AFAP1: variants seen among roughly 807,000 people sequenced by gnomAD.
The protein encoded by AFAP1 is actin filament-associated protein 1.
In AFAP1, 75 loss-of-function variants were observed where a neutral mutation model predicts 93.9. The ratio of observed to expected loss-of-function variants is 0.80; its 90% CI spans 0.66 to 0.97. The LOEUF (loss-of-function observed/expected upper bound fraction) is 0.97. Among genes scored for constraint, AFAP1 ranks in the 50% least tolerant of loss-of-function variants. The pLI, the probability that AFAP1 is intolerant of heterozygous loss-of-function variation, is 0.00. For synonymous variants in AFAP1, 517 were observed against 430.7 expected (o/e 1.20, Z -2.48); for missense variants, 1,201 against 1,050.8 (o/e 1.14, Z -1.98).
chr4:7,908,098 G>C (rs1719525666), intron 1 of AFAP1, among the ~76,000 whole-genome samples: 1 of 152,192 alleles, frequency 6.6e-6, no homozygotes, highest in South Asian at 2.1e-4. Context: ...TGTTATCCCA[G>C]CTACTCAGGA....
chr4:7,849,896 T>C (rs1714239777), intron 4 of AFAP1, among the ~76,000 whole-genome samples: 1 of 151,960 alleles, frequency 6.6e-6, no homozygotes, highest in South Asian at 2.1e-4. Flanking sequence ...ACTCTCCTTC[T>C]GCATCACAGA....
At position 7,872,037 on chromosome 4, in the gene AFAP1, G is replaced by T; in HGVS notation, c.42C>A (p.Leu14=). 2 of 1,614,096 alleles carry T rather than the reference G, an allele frequency of 1.2e-6. No individual in the cohort carries two copies. Among genetic ancestry groups the T allele is most frequent in the Non-Finnish European group, 1.7e-6 (2 of 1,180,006 alleles). The part of the protein sequence containing the change: ...LIVELRLFLE[L]LDHEYLTSTV... ...TTGAGGTTAGATATTCATGGTCCAG[G>T]AGTTCAAGAAAGAGACGAAGTTCAA... The change falls in exon 2 of 18, where the codon CTC becomes CTA. Residue 14 remains leucine (L), a synonymous_variant. Coordinates refer to ENST00000420658, the MANE Select transcript of AFAP1 (RefSeq NM_001134647.2).
intron 11 of AFAP1, among the ~76,000 whole-genome samples, chr4:7,786,647 C>T (rs980544946): frequency 5.3e-5 from 8 of 149,624 alleles, no homozygotes; most frequent in South Asian, 2.1e-4. Flanking sequence ...GCTAGGTACA[C>T]GCAGCAAAGT....
Position 7,939,786 on chromosome 4 carries a change from C to G in AFAP1, c.-133G>C. 1 of 387,732 alleles carries G rather than the reference C, an allele frequency of 2.6e-6. No homozygotes were observed. Among genetic ancestry groups the G allele is most frequent in the South Asian group, 1.8e-5 (1 of 56,264 alleles). The allele number at this position is 387,732 out of a possible 1,614,324, so 24.0% of individuals were successfully genotyped here. On this transcript the variant is annotated 5_prime_UTR_variant, in exon 1 of 18. Coordinates refer to ENST00000420658, the MANE Select transcript of AFAP1 (RefSeq NM_001134647.2). This position sits in a 1 kb window ranked among gnomAD's most constrained non-coding sequence, Gnocchi z 5.6. ...CGGGGCGGGGCCGCCGCCGCCGCCT[C>G]AGCCCGTGTACCCCGCTCGAGATCC... is the stretch of plus-strand genomic sequence containing the variant.
chr4:7,774,890 G>C lies in AFAP1; in HGVS notation c.1911C>G (p.Tyr637Ter). The C allele has an allele frequency of 6.2e-7, 1 of 1,612,962 alleles. No homozygotes were observed. Among genetic ancestry groups the C allele is most frequent in the Non-Finnish European group, 8.5e-7 (1 of 1,179,778 alleles). The change falls in exon 15 of 18, where the codon TAC becomes TAG. Residue 637 changes from tyrosine to a stop codon, truncating the protein, a stop_gained. Coordinates refer to ENST00000420658, the MANE Select transcript of AFAP1 (RefSeq NM_001134647.2). LOFTEE classifies it high-confidence loss of function. ...VKRTGSNAAQ[Y>*]KYGKNRVEAD... Reference sequence around the variant, plus strand: ...CTTCTACCCGGTTCTTGCCATACTTGTACTGGGCAGCATCTTGAGAAGAAA... The same window carrying C: ...CTTCTACCCGGTTCTTGCCATACTTCTACTGGGCAGCATCTTGAGAAGAAA...
chr4:7,849,539 G>A (rs903880501), intron 4 of AFAP1, among the ~76,000 whole-genome samples: 12 of 152,224 alleles, frequency 7.9e-5, no homozygotes, highest in East Asian at 7.7e-4. Context: ...GATGACAAAC[G>A]GCCTATTGGA....
At chr4:7,931,870 C>T (rs1047503839) in intron 1 of AFAP1, among the ~76,000 whole-genome samples, 3 of 151,370 alleles carry the variant, frequency 2.0e-5, no homozygotes, top group Admixed American at 6.6e-5. Context: ...GTTTCTTTTT[C>T]TTTTTTTTGA....
intron 6 of AFAP1, among the ~76,000 whole-genome samples, chr4:7,820,275 AG>A (rs1462693217): frequency 6.6e-6 from 1 of 152,168 alleles, no homozygotes; most frequent in Non-Finnish European, 1.5e-5. Context: ...ACTCAGAGGA[AG>A]ACTGGACAGA....
At position 7,768,955 on chromosome 4, in the gene AFAP1, G is replaced by A. The variant is rs1402023088; in HGVS notation, c.2307C>T (p.Asp769=). Residue 769 remains aspartate, a synonymous_variant, in exon 17 of 18, where the codon GAC becomes GAT. Transcript: ENST00000420658. ...GCACGGGGCCCTCGGTGTCACTGGT[G>A]TCACAGCTGGAGATGGGCGAGTTTT... ...TLENSPISSC[D]TSDTEGPVPV... The A allele has an allele frequency of 1.9e-6, 3 of 1,613,910 alleles. No homozygotes were observed. Among genetic ancestry groups the A allele is most frequent in the South Asian group, 2.2e-5 (2 of 91,048 alleles).
At chr4:7,878,279 C>G (rs1473301808) in intron 1 of AFAP1, among the ~76,000 whole-genome samples, 3 of 152,276 alleles carry the variant, frequency 2.0e-5, no homozygotes, top group African/African-American at 7.2e-5. Context: ...GTAGGACACC[C>G]ACGTCTCCTC....
At chr4:7,765,387 G>A (rs1157201042) in intron 17 of AFAP1, among the ~76,000 whole-genome samples, 1 of 152,224 alleles carries the variant, frequency 6.6e-6, no homozygotes, top group Non-Finnish European at 1.5e-5. Flanking sequence ...GACTCAGGGA[G>A]GCAATGCTCC....
chr4:7,886,702 G>A (rs1033549676), intron 1 of AFAP1, among the ~76,000 whole-genome samples: 1 of 150,380 alleles, frequency 6.6e-6, no homozygotes, highest in African/African-American at 2.5e-5. Context: ...GCAAAAAACA[G>A]GACCTAGATC....
At chr4:7,807,329 C>T (rs1560171172) in intron 9 of AFAP1, among the ~76,000 whole-genome samples, 1 of 152,196 alleles carries the variant, frequency 6.6e-6, no homozygotes, top group Non-Finnish European at 1.5e-5. Flanking sequence ...CTCTCAAGGG[C>T]TGATGTGAGG....
At chr4:7,833,498 T>A (rs1172396297) in intron 6 of AFAP1, among the ~76,000 whole-genome samples, 1 of 152,004 alleles carries the variant, frequency 6.6e-6, no homozygotes, top group East Asian at 1.9e-4. Flanking sequence ...ATAGTAGATG[T>A]TGGTGTGGAT....
At chr4:7,815,646 T>C (rs1373541440) in intron 8 of AFAP1, among the ~76,000 whole-genome samples, 1 of 152,144 alleles carries the variant, frequency 6.6e-6, no homozygotes, top group Non-Finnish European at 1.5e-5. Flanking sequence ...CCAAAGTGCT[T>C]TTCACTGGAC....
chr4:7,819,213 G>C, intron 6 of AFAP1, 42 bp from the exon 7 acceptor site: 1 of 1,544,944 alleles, frequency 6.5e-7, no homozygotes, highest in Non-Finnish European at 8.8e-7. Context: ...CCCAAAGGCA[G>C]AGATACTTAA....
At chr4:7,920,105 C>T (rs983855687) in intron 1 of AFAP1, among the ~76,000 whole-genome samples, 7 of 152,170 alleles carry the variant, frequency 4.6e-5, no homozygotes, top group Admixed American at 2.6e-4. Flanking sequence ...TGAACATACG[C>T]GTACATGTAT....
At chr4:7,934,281 C>T (rs976526992) in intron 1 of AFAP1, among the ~76,000 whole-genome samples, 1 of 152,164 alleles carries the variant, frequency 6.6e-6, no homozygotes, top group African/African-American at 2.4e-5. Flanking sequence ...CCAGATGCCC[C>T]GAGGGAGCCC....
intron 13 of AFAP1, 115 bp downstream of exon 13, chr4:7,781,261 A>G: frequency 7.4e-7 from 1 of 1,344,860 alleles, no homozygotes; most frequent in Non-Finnish European, 1.0e-6. Context: ...TTGAGAAAAA[A>G]AAAACACATT....
Sources: allele counts gnomAD v4.1 joint callset (sites outside exome capture counted in the v4.1 genomes callset), GRCh38; gene constraint gnomAD v4.1.1; non-coding constraint Gnocchi (gnomAD v3.1); transcripts MANE v1.5; gene names NCBI Gene and HGNC (gene_info 2026-07-23, HGNC 2026-07-21).